TNXB: variants seen among roughly 807,000 people sequenced by gnomAD.
TNXB encodes tenascin XB.
Under a neutral mutation model 340.5 loss-of-function variants are expected in TNXB, and 183 were observed. The ratio of observed to expected loss-of-function variants is 0.54; its 90% CI spans 0.48 to 0.61. TNXB has a LOEUF of 0.61. Ranked by LOEUF, TNXB falls within the 20% of genes least tolerant of loss-of-function variation. The pLI, the probability that TNXB is intolerant of heterozygous loss-of-function variation, is 0.00. For missense variants in TNXB, 4,613 were observed against 5,446.4 expected (o/e 0.85, Z 4.82); for synonymous variants, 2,121 against 2,314.5 (o/e 0.92, Z 2.40).
In TNXB at chr6:32,089,792, G is replaced by A. The variant is rs1004368898; in HGVS notation, c.2359-413C>T. On this transcript the variant is annotated intron_variant, in intron 4 of 43. Coordinates refer to ENST00000644971, the MANE Select transcript of TNXB (RefSeq NM_001365276.2). The surrounding 1 kb of genome is among the most constrained non-coding windows in gnomAD (Gnocchi z 6.2). ...CAGAGTCCCCTCTCATGGGCACCCCGTGTTCATCTGCCAGAATTCCACCCA... is the reference window on the plus strand; with the variant it reads ...CAGAGTCCCCTCTCATGGGCACCCCATGTTCATCTGCCAGAATTCCACCCA... Among the ~76,000 whole-genome samples the A allele has an allele frequency of 4.6e-5, 7 of 152,092 alleles. No individual in the cohort carries two copies. The highest frequency in any genetic ancestry group is 7.4e-5 in the Non-Finnish European group (5 of 68,018).
Position 32,068,921 on chromosome 6 carries a change from T to C in TNXB, c.5803A>G (p.Thr1935Ala). 1 of 1,612,610 alleles carries C rather than the reference T, an allele frequency of 6.2e-7. No homozygotes were observed. The highest frequency in any genetic ancestry group is 1.3e-5 in the African/African-American group (1 of 74,938). The part of the protein sequence containing the change: ...VRIGGDRNDI[T>A]LSGLESDHRY... ...TGGTCGGATTCCAGGCCAGAGAGGG[T>C]GATGTCATTCCGGTCACCTCCTATG... The change falls in exon 16 of 44, where the codon ACC becomes GCC. Residue 1935 changes from threonine to alanine, a missense_variant. Physicochemically the swap from Thr to Ala is moderately conservative, Grantham distance 58 (BLOSUM62 0). This residue lies in a region of TNXB where 4,327 missense variants were observed against 4,859.4 expected (regional missense o/e 0.89). Transcript: ENST00000644971. This position sits in a 1 kb window ranked among gnomAD's most constrained non-coding sequence, Gnocchi z 5.3.
rs1313999287 is a variant in TNXB at position 32,084,392 on chromosome 6, G to C, written c.3445+21C>G. Reference sequence around the variant, plus strand: ...CTCTTCAGGGCAGTACAGAGGGCAGGGTGTTACTGCTGTCACTCACAGATC... The same window carrying C: ...CTCTTCAGGGCAGTACAGAGGGCAGCGTGTTACTGCTGTCACTCACAGATC... On this transcript the variant is annotated intron_variant, in intron 8 of 43. Transcript: ENST00000644971. The surrounding 1 kb of genome is among the most constrained non-coding windows in gnomAD (Gnocchi z 5.5). 10 of 1,566,938 alleles carry C rather than the reference G, an allele frequency of 6.4e-6. No individual in the cohort carries two copies. The Admixed American group carries it at 6.8e-5, about 11-fold the overall frequency.
Position 32,053,553 on chromosome 6 carries a change from C to A in TNXB, c.8626G>T (p.Val2876Phe). Residue 2876 changes from valine (V) to phenylalanine (F), a missense_variant, in exon 25 of 44, where the codon GTC (valine) becomes TTC (phenylalanine). Around this residue, in one of 7 missense-constraint regions of TNXB, gnomAD observed 4,327 missense variants for 4,859.4 expected, o/e 0.89. Transcript: ENST00000644971. ...TGCCCATCCCCATTCCTGTACTGGA[C>A]CAGGAAGTGGTCAAACTGGCCCTCG... The part of the protein sequence containing the change: ...VPEGQFDHFL[V>F]QYRNGDGQPK... 1 of 1,613,676 alleles carries A rather than the reference C, an allele frequency of 6.2e-7. No homozygotes were observed. Among genetic ancestry groups the A allele is most frequent in the Non-Finnish European group, 8.5e-7 (1 of 1,179,868 alleles).
intron 1 of TNXB, among the ~76,000 whole-genome samples, chr6:32,104,591 C>T (rs750146002): frequency 1.4e-4 from 22 of 152,300 alleles, no homozygotes; most frequent in Non-Finnish European, 2.2e-4. Flanking sequence ...ATCCAAGCTT[C>T]CATCCGCCTC....
chr6:32,108,507 G>A lies in TNXB; in HGVS notation c.-9+674C>T, dbSNP rs957911000. On this transcript the variant is annotated intron_variant, in intron 1 of 43. Transcript: ENST00000644971. This position sits in a 1 kb window ranked among gnomAD's most constrained non-coding sequence, Gnocchi z 4.8. ...CCCTGCTGAACCGTGAGTCATGAGT[G>A]CAGAGCTCTGGCCAAGAACAAGTTT... Among the ~76,000 whole-genome samples the A allele has an allele frequency of 1.3e-5, 2 of 152,080 alleles. No homozygotes were observed. Among genetic ancestry groups the A allele is most frequent in the African/African-American group, 4.8e-5 (2 of 41,398 alleles).
Position 32,096,045 on chromosome 6 carries a change from C to T in TNXB, c.1808G>A (p.Gly603Asp), listed in dbSNP as rs753344187. ...DCSQHGVCQD[G>D]VCICWEGYVS... Reference sequence around the variant, plus strand: ...GTAGCCTTCCCAACAGATGCACACACCGTCCTGGCACACGCCGTGCTGGCT... The same window carrying T: ...GTAGCCTTCCCAACAGATGCACACATCGTCCTGGCACACGCCGTGCTGGCT... The change falls in exon 3 of 44, where the codon GGT (glycine) becomes GAT (aspartate). Residue 603 changes from glycine to aspartate, a missense_variant. Coordinates refer to ENST00000644971, the MANE Select transcript of TNXB (RefSeq NM_001365276.2). 3.2e-5 allele frequency: 51 copies of T among 1,613,108 alleles called. No individual in the cohort carries two copies. The highest frequency in any genetic ancestry group is 4.2e-5 in the Non-Finnish European group (49 of 1,179,800).
Position 32,081,336 on chromosome 6 carries a change from C to G in TNXB, c.4042+32G>C, listed in dbSNP as rs1427299053. ...AGTCCCGCTCACAGGATGGGGCTAG[C>G]AGGGGAGGGAGGCCTGGCAGCCATG... On this transcript the variant is annotated intron_variant, in intron 10 of 43. Transcript: ENST00000644971. The surrounding 1 kb of genome is among the most constrained non-coding windows in gnomAD (Gnocchi z 5.1). 2.0e-6 allele frequency: 3 copies of G among 1,514,264 alleles called. No individual in the cohort carries two copies. Among genetic ancestry groups the G allele is most frequent in the Non-Finnish European group, 8.9e-7 (1 of 1,123,114 alleles). 93.8% of individuals were successfully genotyped at this position (1,514,264 alleles called of 1,614,324 possible).
Position 32,084,541 on chromosome 6 carries a change from A to G in TNXB, c.3317T>C (p.Val1106Ala). The stretch of plus-strand genomic sequence containing the variant: ...CGAGCGCTGGGGTCCTTCCACGGGC[A>G]CCACCTGGGGCTGCCCGTCCCTGTC... Reference protein sequence around the residue: ...YKDRDGQPQVVPVEGPQRSAV... With the variant: ...YKDRDGQPQVAPVEGPQRSAV... Residue 1106 changes from valine (V) to alanine (A), a missense_variant, in exon 8 of 44, where the codon GTG (valine) becomes GCG (alanine). Around this residue, in one of 7 missense-constraint regions of TNXB, gnomAD observed 4,327 missense variants for 4,859.4 expected, o/e 0.89. Transcript: ENST00000644971. This position sits in a 1 kb window ranked among gnomAD's most constrained non-coding sequence, Gnocchi z 5.5. 1 of 1,608,800 alleles carries G rather than the reference A, an allele frequency of 6.2e-7. No homozygotes were observed. The highest frequency in any genetic ancestry group is 8.5e-7 in the Non-Finnish European group (1 of 1,178,672).
Position 32,068,661 on chromosome 6 carries a change from C to T in TNXB, c.5949G>A (p.Glu1983=). The change falls in exon 17 of 44, where the codon GAG becomes GAA. Residue 1983 remains glutamate (E), a synonymous_variant. Coordinates refer to ENST00000644971, the MANE Select transcript of TNXB (RefSeq NM_001365276.2). The surrounding 1 kb of genome is among the most constrained non-coding windows in gnomAD (Gnocchi z 5.3). Reference sequence around the variant, plus strand: ...CCCCCAGGCGAGGCTTGATGGGGGGCTCGGGGGTTGCGGTGGGAGGTTCTG... The same window carrying T: ...CCCCCAGGCGAGGCTTGATGGGGGGTTCGGGGGTTGCGGTGGGAGGTTCTG... ...KPSEPPTATP[E]PPIKPRLGEL... is the part of the protein sequence containing the mutation. 6.2e-7 allele frequency: 1 copy of T among 1,613,886 alleles called. No individual in the cohort carries two copies. The highest frequency in any genetic ancestry group is 2.2e-5 in the East Asian group (1 of 44,868).
In TNXB at chr6:32,049,421, G is replaced by A. The variant is rs755140526; in HGVS notation, c.9606C>T (p.Asp3202=). ...RFDSFTVQYK[D]RDGQPQVVRV... ...GCACCACCTGGGGCTGCCCGTCCCT[G>A]TCCTTGTACTGCACGGTGAAGGAGT... Residue 3202 remains aspartate, a synonymous_variant, in exon 28 of 44, where the codon GAC becomes GAT. Coordinates refer to ENST00000644971, the MANE Select transcript of TNXB (RefSeq NM_001365276.2). The surrounding 1 kb of genome is among the most constrained non-coding windows in gnomAD (Gnocchi z 4.5). The A allele has an allele frequency of 6.2e-7, 1 of 1,612,608 alleles. No individual in the cohort carries two copies. Among genetic ancestry groups the A allele is most frequent in the South Asian group, 1.1e-5 (1 of 91,010 alleles).
Position 32,081,670 on chromosome 6 carries a change from G to C in TNXB, c.3740C>G (p.Pro1247Arg). The change falls in exon 10 of 44, where the codon CCA becomes CGA. Residue 1247 changes from proline (P) to arginine (R), a missense_variant. Physicochemically the swap from Pro to Arg is moderately radical, Grantham distance 103. Transcript: ENST00000644971. The surrounding 1 kb of genome is among the most constrained non-coding windows in gnomAD (Gnocchi z 5.1). ...GCGGGGGGGCTCCTCTTTCCTCTCT[G>C]GAGCTGTAAACAAGGAGATCCAGCC... ...GPLTADGTTA[P>R]ERKEEPPRPE... The C allele has an allele frequency of 6.3e-7, 1 of 1,576,168 alleles. No individual in the cohort carries two copies. The highest frequency in any genetic ancestry group is 1.3e-5 in the African/African-American group (1 of 74,356).
Position 32,074,077 on chromosome 6 carries a change from G to C in TNXB, c.4376-125C>G, listed in dbSNP as rs1031957199. ...AGTCTCGCTGTCACCCAGAGCAGTG[G>C]GCGACCTCGGCTCACTGCAGCCTCT... On this transcript the variant is annotated intron_variant, in intron 11 of 43. Transcript: ENST00000644971. The surrounding 1 kb of genome is among the most constrained non-coding windows in gnomAD (Gnocchi z 5.5). The C allele has an allele frequency of 4.4e-6, 4 of 905,656 alleles. No individual in the cohort carries two copies. Among genetic ancestry groups the C allele is most frequent in the Non-Finnish European group, 6.3e-6 (4 of 634,358 alleles). 56.1% of individuals were successfully genotyped at this position (905,656 alleles called of 1,614,324 possible).
At chr6:32,078,523 G>GTC (rs1451582262) in intron 11 of TNXB, 1 of 156,130 alleles carries the variant, frequency 6.4e-6, no homozygotes, top group Non-Finnish European at 1.4e-5. Context: ...AGAGGCCAAT[G>GTC]TCTCACGCGC....
chr6:32,105,509 T>C (rs1780935055), intron 1 of TNXB, among the ~76,000 whole-genome samples: 1 of 152,210 alleles, frequency 6.6e-6, no homozygotes, highest in Admixed American at 6.5e-5. Context: ...GCTGTATCCC[T>C]GCATCTGGCA....
Position 32,053,649 on chromosome 6 carries a change from T to C in TNXB, c.8530A>G (p.Lys2844Glu). The C allele has an allele frequency of 6.2e-7, 1 of 1,613,334 alleles. No individual in the cohort carries two copies. The highest frequency in any genetic ancestry group is 1.3e-5 in the African/African-American group (1 of 75,004). Reference sequence around the variant, plus strand: ...ACGGTCAGCTCCCCGAGGCGAGGCTTGTTGGGGGGCTCAGGGGTTGTGGTG... The same window carrying C: ...ACGGTCAGCTCCCCGAGGCGAGGCTCGTTGGGGGGCTCAGGGGTTGTGGTG... ...VPTTTPEPPNKPRLGELTVTD... is the reference protein window; with the variant it reads ...VPTTTPEPPNEPRLGELTVTD... Residue 2844 changes from lysine to glutamate, a missense_variant, in exon 25 of 44, where the codon AAG becomes GAG. Physicochemically the swap from Lys to Glu is moderately conservative, Grantham distance 56 (BLOSUM62 1). Coordinates refer to ENST00000644971, the MANE Select transcript of TNXB (RefSeq NM_001365276.2).
intron 1 of TNXB, among the ~76,000 whole-genome samples, chr6:32,098,726 C>T (rs1244600657): frequency 6.6e-6 from 1 of 152,166 alleles, no homozygotes; most frequent in Non-Finnish European, 1.5e-5. Flanking sequence ...GTGATCTGCT[C>T]GCCTCAGCCT....
intron 11 of TNXB, 128 bp downstream of exon 11, chr6:32,078,905 G>A (rs1779266812): frequency 4.9e-6 from 5 of 1,013,456 alleles, no homozygotes; most frequent in Non-Finnish European, 5.6e-6. Flanking sequence ...CCAGTGACAT[G>A]CTCTTTCTAG....
At position 32,082,125 on chromosome 6, in the gene TNXB, G is replaced by A. The variant is rs1779497711; in HGVS notation, c.3647C>T (p.Ser1216Leu). The change falls in exon 9 of 44, where the codon TCA becomes TTA. Residue 1216 changes from serine (S) to leucine (L), a missense_variant. By Grantham distance (145) the Ser-to-Leu change is moderately radical. This residue lies in a region of TNXB where 4,327 missense variants were observed against 4,859.4 expected (regional missense o/e 0.89). Coordinates refer to ENST00000644971, the MANE Select transcript of TNXB (RefSeq NM_001365276.2). This position sits in a 1 kb window ranked among gnomAD's most constrained non-coding sequence, Gnocchi z 5.0. ...EGPERSFVVS[S>L]LDPDHKYRFT... ...TCTGTACTTGTGGTCAGGGTCCAGT[G>A]AGGAGACAACAAATGAACGCTCGGG... 1 of 1,611,706 alleles carries A rather than the reference G, an allele frequency of 6.2e-7. No individual in the cohort carries two copies. The highest frequency in any genetic ancestry group is 8.5e-7 in the Non-Finnish European group (1 of 1,179,186).
intron 1 of TNXB, among the ~76,000 whole-genome samples, chr6:32,101,695 G>C (rs1780732056): frequency 6.7e-6 from 1 of 150,238 alleles, no homozygotes; most frequent in Admixed American, 6.7e-5. Flanking sequence ...AAAGTTATTA[G>C]GATTACAGGC....
Sources: allele counts gnomAD v4.1 joint callset (sites outside exome capture counted in the v4.1 genomes callset), GRCh38; gene constraint gnomAD v4.1.1; regional missense constraint gnomAD v4.1.1; non-coding constraint Gnocchi (gnomAD v3.1); transcripts MANE v1.5; gene names NCBI Gene and HGNC (gene_info 2026-07-23, HGNC 2026-07-21).